MAST4: variants seen among roughly 807,000 people sequenced by gnomAD.
The protein encoded by MAST4 is microtubule associated serine/threonine kinase family member 4.
A neutral mutation model predicts 162.7 loss-of-function variants in MAST4; 89 were observed. That is an observed-to-expected ratio of 0.55 (90% confidence interval 0.46 to 0.65). The LOEUF is 0.65. Ranked by LOEUF, MAST4 falls within the 30% of genes least tolerant of loss-of-function variation. The pLI is 0.00. For synonymous variants in MAST4, 1,479 were observed against 1,361.1 expected (o/e 1.09, Z -1.91); for missense variants, 3,153 against 3,374.0 (o/e 0.93, Z 1.62).
At chr5:66,743,721 A>G (rs1752595959) in intron 1 of MAST4, among the ~76,000 whole-genome samples, 1 of 152,252 alleles carries the variant, frequency 6.6e-6, no homozygotes, top group Non-Finnish European at 1.5e-5. Context: ...AAACCCAGTC[A>G]GATAGAATTC....
intron 5 of MAST4, among the ~76,000 whole-genome samples, chr5:67,078,911 A>AATAAATAAATATATATATT (rs1227485756): frequency 1.0e-4 from 4 of 38,104 alleles, no homozygotes; most frequent in Admixed American, 8.0e-4. Context: ...TTTTTATATA[A>AATAAATAAATATATATATT]ATATATATAT....
At chr5:66,801,099 CCAT>C in intron 3 of MAST4, among the ~76,000 whole-genome samples, 1 of 152,172 alleles carries the variant, frequency 6.6e-6, no homozygotes, top group African/African-American at 2.4e-5. Context: ...CTGGCTCAGC[CCAT>C]CAGTAAAAAC....
chr5:66,665,133 T>G (rs2149465722), intron 1 of MAST4, among the ~76,000 whole-genome samples: 1 of 152,360 alleles, frequency 6.6e-6, no homozygotes, highest in East Asian at 1.9e-4. Flanking sequence ...CTTGATATAG[T>G]GCATATAGAG....
At chr5:66,729,649 T>C (rs1751722768) in intron 1 of MAST4, among the ~76,000 whole-genome samples, 1 of 152,186 alleles carries the variant, frequency 6.6e-6, no homozygotes, top group African/African-American at 2.4e-5. Context: ...CTGACTTGCA[T>C]AATGTTCTGG....
Position 67,160,583 on chromosome 5 carries a change from G to T in MAST4, c.3776G>T (p.Ser1259Ile), listed in dbSNP as rs1356225228. The T allele has an allele frequency of 6.2e-7, 1 of 1,613,374 alleles. No homozygotes were observed. The highest frequency in any genetic ancestry group is 1.1e-5 in the South Asian group (1 of 90,918). ...AGCAAGAAATCCAAGAAGAAAGAAA[G>T]TCTCGAAAGGTTAGTAAAATCAGTA... The part of the protein sequence containing the change: ...RRSKKSKKKE[S>I]LERRRSLFKK... The change falls in exon 27 of 29, where the codon AGT (serine) becomes ATT (isoleucine). Residue 1259 changes from serine (S) to isoleucine (I), a missense_variant. Transcript: ENST00000403625.
rs1303840062 is a variant in MAST4, at chr5:67,078,905, T to A, written c.764-11257T>A. 8.2e-4 allele frequency among the ~76,000 whole-genome samples: 8 copies of A among 9,776 alleles called. 1 individual carries two copies. The highest frequency in any genetic ancestry group is 2.3e-3 in the African/African-American group (8 of 3,516). The allele number at this position is 9,776 out of a possible 152,430, so 6.4% of individuals were successfully genotyped here. A position where few individuals can be genotyped will look rare whatever the true frequency, so the allele number is the denominator to read the frequency against. On this transcript the variant is annotated intron_variant, in intron 5 of 28. Transcript: ENST00000403625. ...ATATATTTATATATTTATATATTTT[T>A]ATATAAATATATATATATATATATA...
intron 4 of MAST4, among the ~76,000 whole-genome samples, chr5:67,041,675 C>G (rs1303890703): frequency 6.6e-6 from 1 of 152,248 alleles, no homozygotes; most frequent in East Asian, 1.9e-4. Flanking sequence ...GTTGCCCAAA[C>G]TGGAGTGCAG....
intron 3 of MAST4, among the ~76,000 whole-genome samples, chr5:66,795,998 A>G (rs1338153718): frequency 2.0e-5 from 3 of 152,126 alleles, no homozygotes; most frequent in Non-Finnish European, 4.4e-5. Flanking sequence ...GAAGGGATGA[A>G]TTTTCATAAC....
At chr5:66,937,408 T>C (rs1380471040) in intron 4 of MAST4, among the ~76,000 whole-genome samples, 1 of 152,184 alleles carries the variant, frequency 6.6e-6, no homozygotes, top group Non-Finnish European at 1.5e-5. Context: ...CTAGTAGGCA[T>C]GGAACAAATG....
chr5:66,668,209 C>T (rs1398370696), intron 1 of MAST4, among the ~76,000 whole-genome samples: 1 of 151,938 alleles, frequency 6.6e-6, no homozygotes, highest in Non-Finnish European at 1.5e-5. Flanking sequence ...ATATCAATAC[C>T]TATGGTCACG....
chr5:66,833,377 A>AC (rs1165589875), intron 3 of MAST4, among the ~76,000 whole-genome samples: 1 of 152,116 alleles, frequency 6.6e-6, no homozygotes, highest in Non-Finnish European at 1.5e-5. Flanking sequence ...AATGTCTGGT[A>AC]CCCCACTGAA....
intron 3 of MAST4, among the ~76,000 whole-genome samples, chr5:66,854,952 A>G (rs796507961): frequency 1.4e-4 from 22 of 152,248 alleles, no homozygotes; most frequent in African/African-American, 5.1e-4. Context: ...AGTGTGTGCG[A>G]ATTCTGCCTT....
chr5:66,948,278 A>G (rs1408562737), intron 4 of MAST4, among the ~76,000 whole-genome samples: 1 of 152,194 alleles, frequency 6.6e-6, no homozygotes, highest in Non-Finnish European at 1.5e-5. Context: ...TGTGAGGATG[A>G]TAAGATACGT....
In MAST4 at chr5:66,729,312, G is replaced by T. The variant is rs1217927877; in HGVS notation, c.364-30397G>T. Among the ~76,000 whole-genome samples the T allele has an allele frequency of 5.9e-5, 9 of 152,134 alleles. No homozygotes were observed. The South Asian group carries it at 1.9e-3, about 32-fold the overall frequency. The stretch of plus-strand genomic sequence containing the variant: ...ACACATTAGAAATCAGGTATTGGGG[G>T]TATATGTGTTAATATGAACATTTAC... On this transcript the variant is annotated intron_variant, in intron 1 of 28. Transcript: ENST00000403625.
chr5:67,135,788 A>T (rs1769560324), intron 18 of MAST4, among the ~76,000 whole-genome samples: 1 of 152,194 alleles, frequency 6.6e-6, no homozygotes, highest in Admixed American at 6.5e-5. Flanking sequence ...ATGCATATTC[A>T]TGTTTTATTT....
At chr5:66,788,607 C>CCAACCAAAAAAACAAAA in intron 2 of MAST4, 63 bp from the exon 3 acceptor site, 2 of 1,373,728 alleles carry the variant, frequency 1.5e-6, no homozygotes, top group Non-Finnish European at 2.0e-6. Context: ...CCCCCACCCC[C>CCAACCAAAAAAACAAAA]ATTGCAATAA....
chr5:67,051,696 T>C (rs189179254), intron 4 of MAST4, among the ~76,000 whole-genome samples: 1 of 152,270 alleles, frequency 6.6e-6, no homozygotes, highest in Admixed American at 6.5e-5. Context: ...TATTTAGATA[T>C]ATATATCAAG....
intron 21 of MAST4, 40 bp from the exon 22 acceptor site, chr5:67,144,629 T>A: frequency 6.2e-7 from 1 of 1,601,832 alleles, no homozygotes. Flanking sequence ...ACAAACTCTT[T>A]TTAGTAGATA....
intron 1 of MAST4, among the ~76,000 whole-genome samples, chr5:66,642,020 G>A (rs545330316): frequency 1.1e-4 from 16 of 152,018 alleles, no homozygotes; most frequent in South Asian, 4.2e-4. Flanking sequence ...GAATATTACC[G>A]TTTTGCACAC....
Sources: allele counts gnomAD v4.1 joint callset (sites outside exome capture counted in the v4.1 genomes callset), GRCh38; gene constraint gnomAD v4.1.1; transcripts MANE v1.5; gene names NCBI Gene and HGNC (gene_info 2026-07-23, HGNC 2026-07-21).